ZNF469: variants seen among roughly 807,000 people sequenced by gnomAD.
The protein encoded by ZNF469 is zinc finger protein 469.
Under a neutral mutation model 1.0 loss-of-function variants are expected in ZNF469, and 1 was observed. The observed-to-expected ratio is 1.00, with a 90% CI of 0.35 to 4.73. ZNF469 has a LOEUF of 4.73. ZNF469 is among the 30% of genes most tolerant of loss of function. The probability of loss-of-function intolerance (pLI) is 0.16; values close to 1 mark genes in which losing one functional copy is unlikely to be tolerated. For synonymous variants in ZNF469, 2,703 were observed against 2,363.4 expected (o/e 1.14, Z -4.17); for missense variants, 6,100 against 5,356.3 (o/e 1.14, Z -4.33).
the ZNF469 span, among the ~76,000 whole-genome samples, chr16:88,220,065 A>T: frequency 2.0e-5 from 3 of 152,150 alleles, no homozygotes; most frequent in East Asian, 5.8e-4. Context: ...CAGCCTCATG[A>T]TGCCTTCCAA....
At chr16:88,352,056 G>A in the ZNF469 span, among the ~76,000 whole-genome samples, 18 of 152,254 alleles carry the variant, frequency 1.2e-4, no homozygotes, top group South Asian at 3.1e-3. Flanking sequence ...GTGGGATTCC[G>A]TTTCTAGGGA....
chr16:88,286,424 C>T, the ZNF469 span, among the ~76,000 whole-genome samples: 1 of 152,244 alleles, frequency 6.6e-6, no homozygotes, highest in South Asian at 2.1e-4. Context: ...CCCTCTTCTC[C>T]CTGCCCCATC....
the ZNF469 span, among the ~76,000 whole-genome samples, chr16:88,107,976 T>C: frequency 6.6e-6 from 1 of 152,252 alleles, no homozygotes; most frequent in Non-Finnish European, 1.5e-5. Context: ...CAGGTCTCGC[T>C]GACCCCAGAG....
At chr16:88,185,881 C>T in the ZNF469 span, among the ~76,000 whole-genome samples, 1 of 151,718 alleles carries the variant, frequency 6.6e-6, no homozygotes, top group South Asian at 2.1e-4. Flanking sequence ...TATATGCACA[C>T]ACACACTTAT....
the ZNF469 span, among the ~76,000 whole-genome samples, chr16:88,252,197 G>A: frequency 7.5e-5 from 10 of 132,692 alleles, 1 homozygote; most frequent in African/African-American, 2.2e-4. Context: ...CCACTCTGGC[G>A]TTTCCCTGCT....
the ZNF469 span, among the ~76,000 whole-genome samples, chr16:88,227,628 C>T: frequency 6.6e-6 from 1 of 151,608 alleles, no homozygotes; most frequent in Non-Finnish European, 1.5e-5. Context: ...CCCTGTGTCC[C>T]CGTCTCCCCT....
chr16:88,118,221 G>T, the ZNF469 span, among the ~76,000 whole-genome samples: 1 of 152,234 alleles, frequency 6.6e-6, no homozygotes, highest in Non-Finnish European at 1.5e-5. Context: ...GGGATTACAG[G>T]CGTGAACCAC....
At chr16:88,196,493 T>A in the ZNF469 span, among the ~76,000 whole-genome samples, 1 of 152,188 alleles carries the variant, frequency 6.6e-6, no homozygotes, top group South Asian at 2.1e-4. Flanking sequence ...CTCTGCAACC[T>A]TGTCCCTTGG....
chr16:88,386,229 C>T (rs532502119), intron 1 of ZNF469, among the ~76,000 whole-genome samples: 5 of 152,100 alleles, frequency 3.3e-5, no homozygotes, highest in Admixed American at 1.3e-4. Flanking sequence ...GTGACCAGCC[C>T]GTCCTCCTGC....
chr16:88,430,117 C>T lies in ZNF469; in HGVS notation c.2647C>T (p.His883Tyr). ...PSGPRGPSSG[H>Y]PLKSKAGVTP... ...CGGCCCCAGAGGTCCCAGCTCCGGA[C>T]ACCCCCTTAAGAGCAAGGCGGGGGT... Residue 883 changes from histidine to tyrosine, a missense_variant, in exon 3 of 3, where the codon CAC (histidine) becomes TAC (tyrosine). Coordinates refer to ENST00000565624, the MANE Select transcript of ZNF469 (RefSeq NM_001367624.2). 1 of 1,550,232 alleles carries T rather than the reference C, an allele frequency of 6.5e-7. No homozygotes were observed. Among genetic ancestry groups the T allele is most frequent in the Non-Finnish European group, 8.7e-7 (1 of 1,146,948 alleles).
rs751394494 is a variant in ZNF469, at chr16:88,438,871, C to A, written c.11401C>A (p.Pro3801Thr). The A allele has an allele frequency of 1.2e-5, 19 of 1,550,336 alleles. No homozygotes were observed. The South Asian group carries it at 2.3e-4, about 18-fold the overall frequency. The change falls in exon 3 of 3, where the codon CCC (proline) becomes ACC (threonine). Residue 3801 changes from proline (P) to threonine (T), a missense_variant. Physicochemically the swap from Pro to Thr is conservative, Grantham distance 38. Coordinates refer to ENST00000565624, the MANE Select transcript of ZNF469 (RefSeq NM_001367624.2). ...GCCAAGGGAAGCTGGTGAGCAGGGGCCCCACGGGAGCCTAGGTCCCAAGGA... is the reference window on the plus strand; with the variant it reads ...GCCAAGGGAAGCTGGTGAGCAGGGGACCCACGGGAGCCTAGGTCCCAAGGA... The part of the protein sequence containing the change: ...KGPREAGEQG[P>T]HGSLGPKEKG...
the ZNF469 span, among the ~76,000 whole-genome samples, chr16:88,329,551 G>A: frequency 6.6e-6 from 1 of 152,144 alleles, no homozygotes; most frequent in East Asian, 1.9e-4. Flanking sequence ...TCCCCAGAGG[G>A]GCTCCCTTCT....
chr16:88,275,811 C>T, the ZNF469 span, among the ~76,000 whole-genome samples: 37 of 152,256 alleles, frequency 2.4e-4, no homozygotes, highest in African/African-American at 8.9e-4. Flanking sequence ...TGCGGCATGG[C>T]GGAGGGGATA....
chr16:88,366,942 A>G, the ZNF469 span, among the ~76,000 whole-genome samples: 1 of 151,942 alleles, frequency 6.6e-6, no homozygotes. Context: ...ATTATGAGCA[A>G]TAACAGTGCT....
At chr16:88,117,661 A>ACCGTGGAGGTGCCACGTGTCTTCGGGG in the ZNF469 span, among the ~76,000 whole-genome samples, 1 of 150,270 alleles carries the variant, frequency 6.7e-6, no homozygotes, top group Non-Finnish European at 1.5e-5. Context: ...TGTCTTCACA[A>ACCGTGGAGGTGCCACGTGTCTTCGGGG]ACCGTGGAGG....
the ZNF469 span, among the ~76,000 whole-genome samples, chr16:88,259,465 C>T: frequency 1.3e-5 from 2 of 152,174 alleles, no homozygotes; most frequent in African/African-American, 4.8e-5. The surrounding 1 kb of genome is among the most constrained non-coding windows in gnomAD (Gnocchi z 4.1). Context: ...GTGGATGCCC[C>T]GCATGCTTCT....
At position 88,434,296 on chromosome 16, in the gene ZNF469, G is replaced by A; in HGVS notation, c.6826G>A (p.Ala2276Thr). The change falls in exon 3 of 3, where the codon GCC becomes ACC. Residue 2276 changes from alanine (A) to threonine (T), a missense_variant. Ala to Thr is a moderately conservative substitution (Grantham distance 58). Coordinates refer to ENST00000565624, the MANE Select transcript of ZNF469 (RefSeq NM_001367624.2). ...GRATSPPLAG[A>T]VSPSVAVRAT... ...AGCCACCTCTCCTCCTCTGGCAGGG[G>A]CCGTCTCCCCCAGCGTGGCCGTCAG... is the stretch of plus-strand genomic sequence containing the variant. The A allele has an allele frequency of 6.5e-7, 1 of 1,550,366 alleles. No homozygotes were observed. The highest frequency in any genetic ancestry group is 8.7e-7 in the Non-Finnish European group (1 of 1,146,970).
chr16:88,105,790 G>T, the ZNF469 span, among the ~76,000 whole-genome samples: 1 of 152,254 alleles, frequency 6.6e-6, no homozygotes, highest in Non-Finnish European at 1.5e-5. Context: ...TGGGTAGGGG[G>T]ATAACGGCAC....
At chr16:88,355,485 G>GAGCGTGGC in the ZNF469 span, among the ~76,000 whole-genome samples, 2 of 152,218 alleles carry the variant, frequency 1.3e-5, no homozygotes, top group Non-Finnish European at 2.9e-5. Context: ...GGAGAAACGT[G>GAGCGTGGC]AGCGTGGCGT....
Sources: gnomAD v4.1 joint callset for allele counts (sites outside exome capture counted in the v4.1 genomes callset) on GRCh38, gnomAD v4.1.1 for gene constraint, Gnocchi (gnomAD v3.1) non-coding constraint, MANE v1.5 for transcripts, NCBI Gene and HGNC (gene_info 2026-07-23, HGNC 2026-07-21) for gene names.